Variants in CNGA1 observed in about 807,000 individuals in gnomAD.
CNGA1 encodes the protein cyclic nucleotide gated channel subunit alpha 1.
A neutral mutation model predicts 69.7 loss-of-function variants in CNGA1; 53 were observed. The ratio of observed to expected loss-of-function variants is 0.76; its 90% CI spans 0.61 to 0.96. CNGA1 has a LOEUF of 0.96. CNGA1 is among the 40% of genes least tolerant of loss of function. CNGA1 has a pLI of 0.00. For synonymous variants in CNGA1, 249 were observed against 283.5 expected, an observed-to-expected ratio of 0.88 and a Z score of 1.22; for missense variants, 739 against 811.2, an observed-to-expected ratio of 0.91 and a Z score of 1.08.
At chr4:47,971,620 G>A (rs1253579442) in intron 3 of CNGA1, among the ~76,000 whole-genome samples, 1 of 152,022 alleles carries the variant, frequency 6.6e-6, no homozygotes, top group Non-Finnish European at 1.5e-5. Context: ...GGCCAGGCAC[G>A]GTGGCTCACG....
At chr4:47,982,362 T>C (rs1447274258) in intron 2 of CNGA1, among the ~76,000 whole-genome samples, 2 of 152,314 alleles carry the variant, frequency 1.3e-5, no homozygotes, top group East Asian at 3.9e-4. Context: ...AGTTGAATGG[T>C]TTCAGCTCCA....
At chr4:47,938,996 AAAGAAAGAAAGAAAGAGAAAG>A (rs1342914240) in intron 10 of CNGA1, among the ~76,000 whole-genome samples, 3 of 148,614 alleles carry the variant, frequency 2.0e-5, no homozygotes, top group Admixed American at 6.6e-5. Flanking sequence ...AAAGAAAGAG[AAAGAAAGAAAGAAAGAGAAAG>A]AAGAAAGAAA....
intron 5 of CNGA1, 61 bp from the exon 6 acceptor site, chr4:47,949,956 T>G: frequency 1.3e-6 from 2 of 1,493,916 alleles, no homozygotes; most frequent in South Asian, 1.1e-5. Flanking sequence ...ATGTCCATGG[T>G]AGGCAAATGG....
intron 3 of CNGA1, among the ~76,000 whole-genome samples, chr4:47,962,072 G>A (rs546447609): frequency 3.0e-4 from 45 of 152,224 alleles, no homozygotes; most frequent in Admixed American, 5.2e-4. Context: ...ATGGCCGGGC[G>A]CGGTGGCTCG....
chr4:47,943,468 C>T lies in CNGA1; in HGVS notation c.288-56G>A, dbSNP rs1739218897. ...AATCACAGTCTTCCACTCTTATTTA[C>T]TTTCTTTTTCATTGAGCAAAAATCT... On this transcript the variant is annotated intron_variant, in intron 6 of 10. Transcript: ENST00000514170. 2.7e-6 allele frequency: 3 copies of T among 1,123,484 alleles called. No homozygotes were observed. In the South Asian group the frequency reaches 4.9e-5, roughly 18 times the overall value. The allele number at this position is 1,123,484 out of a possible 1,614,324, so 69.6% of individuals were successfully genotyped here. A position where few individuals can be genotyped will look rare whatever the true frequency, so the allele number is the denominator to read the frequency against.
chr4:48,011,795 A>T (rs1715178320), intron 1 of CNGA1, among the ~76,000 whole-genome samples: 1 of 152,230 alleles, frequency 6.6e-6, no homozygotes, highest in Non-Finnish European at 1.5e-5. Flanking sequence ...TTTCTGGTTG[A>T]CAATTGGTTG....
intron 3 of CNGA1, among the ~76,000 whole-genome samples, chr4:47,980,859 T>C (rs943466513): frequency 1.0e-4 from 11 of 109,268 alleles, no homozygotes; most frequent in African/African-American, 3.1e-4. Context: ...AGCTCCTTCA[T>C]AGAGTAGTAT....
rs909309178 is a variant in CNGA1, at chr4:47,986,043, G to T, written c.-122-4543C>A. ...GGAGCACCTAAACTGGAGCTTTGCA[G>T]CATATTGCTGAGGGCTTAACTGTAC... is the stretch of plus-strand genomic sequence containing the variant. On this transcript the variant is annotated intron_variant, in intron 2 of 10. Coordinates refer to ENST00000514170, the MANE Select transcript of CNGA1 (RefSeq NM_001379270.1). Among the ~76,000 whole-genome samples, 9 of 152,296 alleles carry T rather than the reference G, an allele frequency of 5.9e-5. No individual in the cohort carries two copies. The South Asian group carries it at 1.0e-3, about 18-fold the overall frequency.
In CNGA1 at chr4:47,937,688, T is replaced by A. The variant is rs1273672526; in HGVS notation, c.794A>T (p.Glu265Val). The change falls in exon 11 of 11, where the codon GAA becomes GTA. Residue 265 changes from glutamate (E) to valine (V), a missense_variant. Transcript: ENST00000514170. ...CCGTAACAACCTGTTTAATCTAATT[T>A]CTGGATAGTTCCACCCTAACTTAAA... is the stretch of plus-strand genomic sequence containing the variant. ...LYFKLGWNYPEIRLNRLLRFS... is the reference protein window; with the variant it reads ...LYFKLGWNYPVIRLNRLLRFS... 6.2e-7 allele frequency: 1 copy of A among 1,614,178 alleles called. No homozygotes were observed. The highest frequency in any genetic ancestry group is 8.5e-7 in the Non-Finnish European group (1 of 1,180,028).
At chr4:47,979,493 G>A (rs926792952) in intron 3 of CNGA1, among the ~76,000 whole-genome samples, 1 of 152,036 alleles carries the variant, frequency 6.6e-6, no homozygotes, top group Non-Finnish European at 1.5e-5. Context: ...TATCACCTGA[G>A]GTAAATGGCT....
intron 3 of CNGA1, among the ~76,000 whole-genome samples, chr4:47,973,880 G>A (rs1197408154): frequency 7.9e-5 from 12 of 152,026 alleles, no homozygotes; most frequent in African/African-American, 2.9e-4. Context: ...AAATGTTCAT[G>A]ATATATTGCT....
At chr4:47,973,650 AC>A (rs1472058595) in intron 3 of CNGA1, among the ~76,000 whole-genome samples, 3 of 152,048 alleles carry the variant, frequency 2.0e-5, no homozygotes, top group Non-Finnish European at 4.4e-5. Context: ...ATTAGTTCAA[AC>A]TTTTTGTGAA....
rs1188728815 is a variant in CNGA1, at chr4:47,937,033, C to T, written c.1449G>A (p.Leu483=). The stretch of plus-strand genomic sequence containing the variant: ...GCAATTTCAAGACCAACTCCACCAA[C>T]AGACCAGCTTCACAATCAGCAAAAA... ...VRIFADCEAG[L]LVELVLKLQP... The change falls in exon 11 of 11, where the codon CTG becomes CTA. Residue 483 remains leucine (L), a synonymous_variant. Coordinates refer to ENST00000514170, the MANE Select transcript of CNGA1 (RefSeq NM_001379270.1). The T allele has an allele frequency of 1.2e-6, 2 of 1,614,190 alleles. No homozygotes were observed. Among genetic ancestry groups the T allele is most frequent in the South Asian group, 1.1e-5 (1 of 91,080 alleles).
At chr4:47,957,912 T>C in intron 3 of CNGA1, among the ~76,000 whole-genome samples, 1 of 109,588 alleles carries the variant, frequency 9.1e-6, no homozygotes, top group East Asian at 3.0e-4. Context: ...TTTTTTTTTT[T>C]GAGATGGAGT....
chr4:47,944,732 C>T (rs1166531055), intron 6 of CNGA1, among the ~76,000 whole-genome samples: 1 of 152,162 alleles, frequency 6.6e-6, no homozygotes, highest in East Asian at 1.9e-4. Context: ...TTCAGTGGTA[C>T]TATCCTCTGT....
chr4:47,944,991 G>A (rs1043383636), intron 6 of CNGA1, among the ~76,000 whole-genome samples: 5 of 152,078 alleles, frequency 3.3e-5, no homozygotes, highest in African/African-American at 1.2e-4. Flanking sequence ...GCTAGTTAGG[G>A]TATTATTTAA....
At chr4:47,990,336 T>C (rs1215462734) in intron 2 of CNGA1, among the ~76,000 whole-genome samples, 1 of 152,092 alleles carries the variant, frequency 6.6e-6, no homozygotes, top group East Asian at 1.9e-4. Flanking sequence ...GGTCTATAGA[T>C]GGCCACTCTG....
Position 47,993,220 on chromosome 4 carries a change from G to A in CNGA1, c.-122-11720C>T, listed in dbSNP as rs371979263. Among the ~76,000 whole-genome samples, 45 of 152,128 alleles carry A rather than the reference G, an allele frequency of 3.0e-4. No homozygotes were observed. In the South Asian group the frequency reaches 8.9e-3, roughly 30 times the overall value. ...GGCTACATAGAATGATTTAGGGAGG[G>A]TTCCCTCATTCTCTATCTTGTGGAA... On this transcript the variant is annotated intron_variant, in intron 2 of 10. Coordinates refer to ENST00000514170, the MANE Select transcript of CNGA1 (RefSeq NM_001379270.1).
At chr4:47,963,841 T>G (rs1740588170) in intron 3 of CNGA1, among the ~76,000 whole-genome samples, 1 of 152,200 alleles carries the variant, frequency 6.6e-6, no homozygotes, top group African/African-American at 2.4e-5. Context: ...TAGAAAAATG[T>G]ATAAAATATA....
Sources: allele counts gnomAD v4.1 joint callset (sites outside exome capture counted in the v4.1 genomes callset), GRCh38; gene constraint gnomAD v4.1.1; transcripts MANE v1.5; gene names NCBI Gene and HGNC (gene_info 2026-07-23, HGNC 2026-07-21).